Variants in UGT2A2 observed in about 807,000 individuals in gnomAD.
The protein encoded by UGT2A2 is UDP-glucuronosyltransferase 2A2.
In UGT2A2, 60 loss-of-function variants were observed where a neutral mutation model predicts 50.7. That is an observed-to-expected ratio of 1.18 (90% CI 0.96 to 1.47). The LOEUF (loss-of-function observed/expected upper bound fraction) is 1.47, where lower values mean the gene tolerates loss of function less well. Among genes scored for constraint, UGT2A2 ranks in the 40% most tolerant of loss-of-function variants. UGT2A2 has a pLI of 0.00. For missense variants in UGT2A2, 762 were observed against 634.0 expected, an observed-to-expected ratio of 1.20 and a Z score of -2.17; for synonymous variants, 242 against 214.6, an observed-to-expected ratio of 1.13 and a Z score of -1.11.
At position 69,594,699 on chromosome 4, in the gene UGT2A2, A is replaced by C. The variant is rs768966319; in HGVS notation, c.1112-3T>G. On this transcript the variant is annotated splice_polypyrimidine_tract_variant and splice_region_variant and intron_variant, in intron 4 of 5. Coordinates refer to ENST00000604629, the MANE Select transcript of UGT2A2 (RefSeq NM_001105677.2). Reference sequence around the variant, plus strand: ...AAAAGCTTTGGTTTTGGGATGTCCTAATTTGAGGATGGAGTGAGAAGTGGG... The same window carrying C: ...AAAAGCTTTGGTTTTGGGATGTCCTCATTTGAGGATGGAGTGAGAAGTGGG... 112 of 1,612,266 alleles carry C rather than the reference A, an allele frequency of 6.9e-5. No homozygotes were observed. The highest frequency in any genetic ancestry group is 9.5e-5 in the Non-Finnish European group (112 of 1,178,974).
At chr4:69,636,166 A>G (rs961091526) in intron 1 of UGT2A2, among the ~76,000 whole-genome samples, 2 of 152,180 alleles carry the variant, frequency 1.3e-5, no homozygotes, top group Non-Finnish European at 2.9e-5. Flanking sequence ...ACAATTTAAC[A>G]TATCATTTCT....
chr4:69,607,582 A>G (rs1040866681), intron 1 of UGT2A2, among the ~76,000 whole-genome samples: 2 of 152,122 alleles, frequency 1.3e-5, no homozygotes, highest in Admixed American at 6.6e-5. Context: ...ATCTAATTAA[A>G]CTAAAGAGCT....
intron 1 of UGT2A2, among the ~76,000 whole-genome samples, chr4:69,611,898 C>A (rs1720083305): frequency 6.6e-6 from 1 of 152,126 alleles, no homozygotes; most frequent in Non-Finnish European, 1.5e-5. Context: ...ATAAGTTCAA[C>A]TCCCCAAATC....
intron 5 of UGT2A2, 53 bp from the exon 6 acceptor site, chr4:69,589,704 T>C: frequency 6.4e-7 from 1 of 1,560,356 alleles, no homozygotes; most frequent in Non-Finnish European, 8.7e-7. Context: ...TTTATTTTCA[T>C]TGAAGATAAA....
intron 3 of UGT2A2, 93 bp from the exon 4 acceptor site, chr4:69,595,342 T>A: frequency 7.0e-7 from 1 of 1,438,002 alleles, no homozygotes; most frequent in South Asian, 1.2e-5. Flanking sequence ...AGCCAGCTAC[T>A]TGGAAGACGG....
intron 1 of UGT2A2, among the ~76,000 whole-genome samples, chr4:69,604,080 C>A (rs1021158808): frequency 2.2e-5 from 3 of 135,862 alleles, no homozygotes; most frequent in Non-Finnish European, 4.7e-5. Flanking sequence ...CACAAAGATA[C>A]TCCTCGAGAA....
chr4:69,594,160 G>C (rs952879184), intron 5 of UGT2A2, among the ~76,000 whole-genome samples: 7 of 151,804 alleles, frequency 4.6e-5, no homozygotes, highest in Non-Finnish European at 1.5e-5. Context: ...ATTTTTAGTA[G>C]AGACAGGGTT....
Position 69,594,645 on chromosome 4 carries a change from T to C in UGT2A2, c.1163A>G (p.Tyr388Cys), listed in dbSNP as rs1310629542. The C allele has an allele frequency of 6.2e-7, 1 of 1,614,092 alleles. No individual in the cohort carries two copies. Among genetic ancestry groups the C allele is most frequent in the Non-Finnish European group, 8.5e-7 (1 of 1,180,008 alleles). ...AGGGACTCCGTGGTAAATAGCTTCG[T>C]AGATCCCATTAGTTCCACCATGAGT... Reference protein sequence around the residue: ...FITHGGTNGIYEAIYHGVPMV... With the variant: ...FITHGGTNGICEAIYHGVPMV... Residue 388 changes from tyrosine (Y) to cysteine (C), a missense_variant, in exon 5 of 6, where the codon TAC becomes TGC. Transcript: ENST00000604629.
chr4:69,609,496 G>C (rs1354994551), intron 1 of UGT2A2, among the ~76,000 whole-genome samples: 1 of 151,940 alleles, frequency 6.6e-6, no homozygotes, highest in Non-Finnish European at 1.5e-5. Flanking sequence ...TTGAGTTGTA[G>C]ACTGAAACTG....
At chr4:69,631,201 CAA>C (rs1174962025) in intron 1 of UGT2A2, among the ~76,000 whole-genome samples, 2 of 152,060 alleles carry the variant, frequency 1.3e-5, no homozygotes, top group Non-Finnish European at 2.9e-5. Flanking sequence ...CCTAGAATCA[CAA>C]AGATACCTAT....
chr4:69,637,612 G>T (rs532448332), intron 1 of UGT2A2, among the ~76,000 whole-genome samples: 2 of 152,060 alleles, frequency 1.3e-5, no homozygotes, highest in African/African-American at 2.4e-5. Context: ...TTCTCTGCCT[G>T]CTCTATTTAA....
At chr4:69,627,984 G>T (rs1224598570) in intron 1 of UGT2A2, among the ~76,000 whole-genome samples, 2 of 151,848 alleles carry the variant, frequency 1.3e-5, no homozygotes, top group African/African-American at 4.8e-5. Context: ...TAAGTTTGTT[G>T]ATTGTCTCTT....
intron 1 of UGT2A2, chr4:69,599,825 G>C (rs550191884): frequency 6.4e-6 from 1 of 155,962 alleles, no homozygotes; most frequent in African/African-American, 2.4e-5. Context: ...TAATGTGTAA[G>C]TGTAATTTCA....
In UGT2A2 at chr4:69,601,809, G is replaced by A. The variant is rs142953242; in HGVS notation, c.743-2415C>T. On this transcript the variant is annotated intron_variant, in intron 1 of 5. Coordinates refer to ENST00000604629, the MANE Select transcript of UGT2A2 (RefSeq NM_001105677.2). Reference sequence around the variant, plus strand: ...CCCTTGCAGACATTCCCTAGCACCAGTCTGGGGTGTGACAGCCCTACTGGG... The same window carrying A: ...CCCTTGCAGACATTCCCTAGCACCAATCTGGGGTGTGACAGCCCTACTGGG... 6.6e-3 allele frequency among the ~76,000 whole-genome samples: 710 copies of A among 107,536 alleles called. 130 individuals carry two copies. Among genetic ancestry groups the A allele is most frequent in the Non-Finnish European group, 9.2e-3 (479 of 52,274 alleles). 70.5% of individuals were successfully genotyped at this position (107,536 alleles called of 152,430 possible).
intron 1 of UGT2A2, among the ~76,000 whole-genome samples, chr4:69,634,053 G>A (rs1332787715): frequency 6.6e-6 from 1 of 152,028 alleles, no homozygotes; most frequent in East Asian, 1.9e-4. Context: ...AGACCATCCT[G>A]GCTAACATGG....
Position 69,589,511 on chromosome 4 carries a change from G to T in UGT2A2, c.1472C>A (p.Thr491Asn). Residue 491 changes from threonine (T) to asparagine (N), a missense_variant, in exon 6 of 6, where the codon ACC becomes AAC. Physicochemically the swap from Thr to Asn is moderately conservative, Grantham distance 65. Coordinates refer to ENST00000604629, the MANE Select transcript of UGT2A2 (RefSeq NM_001105677.2). ...KHLRVAAHDL[T>N]WFQYHSLDVI... ...ATCCAAAGAGTGGTACTGGAACCAG[G>T]TGAGGTCATGGGCTGCAACCCGAAG... 1 of 1,614,086 alleles carries T rather than the reference G, an allele frequency of 6.2e-7. No individual in the cohort carries two copies.
chr4:69,600,416 C>T (rs750105213), intron 1 of UGT2A2, among the ~76,000 whole-genome samples: 1 of 152,156 alleles, frequency 6.6e-6, no homozygotes, highest in Non-Finnish European at 1.5e-5. Context: ...GAGCTCCCAA[C>T]TGAGAATCAC....
intron 1 of UGT2A2, among the ~76,000 whole-genome samples, chr4:69,624,287 A>C (rs1156557734): frequency 6.6e-6 from 1 of 151,508 alleles, no homozygotes; most frequent in African/African-American, 2.4e-5. Context: ...ATATTAATGC[A>C]GCCACTCCAC....
chr4:69,613,780 C>A (rs769655643), intron 1 of UGT2A2, among the ~76,000 whole-genome samples: 1 of 151,932 alleles, frequency 6.6e-6, no homozygotes, highest in Non-Finnish European at 1.5e-5. Context: ...AACATCTCTT[C>A]ATGATTAAAA....
Sources: allele counts gnomAD v4.1 joint callset (sites outside exome capture counted in the v4.1 genomes callset), GRCh38; gene constraint gnomAD v4.1.1; transcripts MANE v1.5; gene names NCBI Gene and HGNC (gene_info 2026-07-23, HGNC 2026-07-21).